Variants in PCP4 observed in about 807,000 individuals in gnomAD.
The protein encoded by PCP4 is calmodulin regulator protein PCP4.
Under a neutral mutation model 10.0 loss-of-function variants are expected in PCP4, and 8 were observed. The ratio of observed to expected loss-of-function variants is 0.80; its 90% CI spans 0.47 to 1.45. The LOEUF is 1.45. Ranked by LOEUF, PCP4 falls within the 40% of genes most tolerant of loss-of-function variation. The pLI is 0.00. For synonymous variants in PCP4, 21 were observed against 23.0 expected (o/e 0.91, Z 0.24); for missense variants, 54 against 74.4 (o/e 0.73, Z 1.01).
intron 1 of PCP4, among the ~76,000 whole-genome samples, chr21:39,886,395 T>C (rs2146330859): frequency 6.6e-6 from 1 of 152,332 alleles, no homozygotes; most frequent in South Asian, 2.1e-4. Flanking sequence ...ACACTAATAC[T>C]AGTAAAATAC....
chr21:39,870,503 T>C (rs1022545027), intron 1 of PCP4, among the ~76,000 whole-genome samples: 1 of 152,194 alleles, frequency 6.6e-6, no homozygotes, highest in Non-Finnish European at 1.5e-5. Flanking sequence ...CTCATCGTAC[T>C]CACCCAGGCA....
chr21:39,880,713 G>C (rs1057263566), intron 1 of PCP4, among the ~76,000 whole-genome samples: 1 of 152,142 alleles, frequency 6.6e-6, no homozygotes, highest in Non-Finnish European at 1.5e-5. Context: ...GACGTACTAG[G>C]CTTTTCAGTT....
intron 2 of PCP4, among the ~76,000 whole-genome samples, chr21:39,927,287 T>A (rs530032105): frequency 1.9e-5 from 2 of 106,506 alleles, no homozygotes; most frequent in South Asian, 6.4e-4. Context: ...CTGATCTATC[T>A]ATCTATCTAT....
chr21:39,886,469 G>T (rs2087401082), intron 1 of PCP4, among the ~76,000 whole-genome samples: 1 of 152,166 alleles, frequency 6.6e-6, no homozygotes, highest in Non-Finnish European at 1.5e-5. Flanking sequence ...GCTGGGCATG[G>T]TGGTAGATGC....
chr21:39,885,995 G>A (rs956849961), intron 1 of PCP4, among the ~76,000 whole-genome samples: 10 of 152,204 alleles, frequency 6.6e-5, no homozygotes, highest in African/African-American at 2.2e-4. Context: ...TGTAGATGCT[G>A]TCTTCTCCCT....
chr21:39,923,632 C>T (rs1310031432), intron 2 of PCP4, among the ~76,000 whole-genome samples: 1 of 152,222 alleles, frequency 6.6e-6, no homozygotes, highest in South Asian at 2.1e-4. Context: ...TTTTCCAGTA[C>T]ACGCGGCAGA....
chr21:39,871,547 G>A (rs58127813), intron 1 of PCP4, among the ~76,000 whole-genome samples: 29,483 of 152,126 alleles, frequency 0.19, 2,983 homozygotes, highest in Non-Finnish European at 0.22. Context: ...CTGCAGCAAG[G>A]ACTCTGACAG....
intron 1 of PCP4, among the ~76,000 whole-genome samples, chr21:39,892,695 TC>T (rs2087438706): frequency 6.6e-6 from 1 of 152,192 alleles, no homozygotes; most frequent in South Asian, 2.1e-4. Flanking sequence ...TAAGCATGTA[TC>T]CTTTGAGTTA....
intron 2 of PCP4, among the ~76,000 whole-genome samples, chr21:39,905,848 A>G (rs1218412949): frequency 1.3e-5 from 2 of 152,144 alleles, no homozygotes; most frequent in Non-Finnish European, 2.9e-5. Context: ...GGAGATCGAG[A>G]CCATCCTGGC....
intron 1 of PCP4, among the ~76,000 whole-genome samples, chr21:39,874,938 A>G (rs1416855962): frequency 1.3e-5 from 2 of 152,218 alleles, no homozygotes; most frequent in African/African-American, 4.8e-5. Context: ...TACGCTGGGC[A>G]GATGAATGAT....
intron 2 of PCP4, among the ~76,000 whole-genome samples, chr21:39,925,155 C>T (rs542445765): frequency 2.6e-5 from 4 of 152,190 alleles, no homozygotes; most frequent in Admixed American, 6.5e-5. Flanking sequence ...TCCCATCTTC[C>T]TTACAGTGCC....
chr21:39,901,884 G>A (rs540012984), intron 2 of PCP4, among the ~76,000 whole-genome samples: 1 of 152,162 alleles, frequency 6.6e-6, no homozygotes, highest in South Asian at 2.1e-4. Flanking sequence ...AAGGAGCAAA[G>A]ACAAAAACTG....
chr21:39,888,492 T>C (rs1034001882), intron 1 of PCP4, among the ~76,000 whole-genome samples: 3 of 152,174 alleles, frequency 2.0e-5, no homozygotes, highest in Non-Finnish European at 4.4e-5. Context: ...TGGATTATCA[T>C]TTTTCTTTGG....
At chr21:39,890,024 T>G (rs2087422122) in intron 1 of PCP4, among the ~76,000 whole-genome samples, 1 of 152,194 alleles carries the variant, frequency 6.6e-6, no homozygotes, top group African/African-American at 2.4e-5. Flanking sequence ...CTAACTGATG[T>G]ATGAATAGCA....
chr21:39,911,660 G>A (rs1210246315), intron 2 of PCP4, among the ~76,000 whole-genome samples: 1 of 152,234 alleles, frequency 6.6e-6, no homozygotes, highest in African/African-American at 2.4e-5. Context: ...CGGGATAGGT[G>A]CTCCCCAGCC....
At chr21:39,883,514 C>T (rs1156699848) in intron 1 of PCP4, 8 of 152,168 alleles carry the variant, frequency 5.3e-5, no homozygotes, top group Non-Finnish European at 5.9e-5. Flanking sequence ...AATCAGAGAT[C>T]CAGGAAACTT....
rs572211556 is a variant in PCP4, at chr21:39,887,828, G to T, written c.10-10648G>T. ...GCCTTTTTGTTTCTTTATAAACAGG[G>T]TGATTCAGAGAAAGCAGACAAGAAA... On this transcript the variant is annotated intron_variant, in intron 1 of 2. Coordinates refer to ENST00000328619, the MANE Select transcript of PCP4 (RefSeq NM_006198.3). 4.6e-5 allele frequency among the ~76,000 whole-genome samples: 7 copies of T among 152,262 alleles called. No individual in the cohort carries two copies. The South Asian group carries it at 1.5e-3, about 32-fold the overall frequency.
intron 1 of PCP4, among the ~76,000 whole-genome samples, chr21:39,885,883 T>C (rs756596275): frequency 6.6e-6 from 1 of 152,234 alleles, no homozygotes; most frequent in Non-Finnish European, 1.5e-5. Context: ...ATGTATTCTC[T>C]TATAGTTCTG....
intron 1 of PCP4, among the ~76,000 whole-genome samples, chr21:39,884,562 T>C (rs749017055): frequency 6.6e-5 from 10 of 152,024 alleles, no homozygotes; most frequent in Non-Finnish European, 1.3e-4. Flanking sequence ...TCTGGGAGGC[T>C]GAGGCAGGCA....
Sources: allele counts gnomAD v4.1 joint callset (sites outside exome capture counted in the v4.1 genomes callset), GRCh38; gene constraint gnomAD v4.1.1; transcripts MANE v1.5; gene names NCBI Gene and HGNC (gene_info 2026-07-23, HGNC 2026-07-21).